Variants in RGS12 observed in about 807,000 individuals in gnomAD.
RGS12 encodes the protein regulator of G-protein signaling 12.
A neutral mutation model predicts 120.1 loss-of-function variants in RGS12; 66 were observed. That is an observed-to-expected ratio of 0.55 (90% CI 0.45 to 0.67). The LOEUF is 0.67. Ranked by LOEUF, RGS12 falls within the 30% of genes least tolerant of loss-of-function variation. RGS12 has a pLI of 0.00. For synonymous variants in RGS12, 827 were observed against 804.7 expected, an observed-to-expected ratio of 1.03 and a Z score of -0.47; for missense variants, 1,859 against 1,957.7, an observed-to-expected ratio of 0.95 and a Z score of 0.95.
Position 3,366,606 on chromosome 4 carries a change from C to G in RGS12, c.1999-19810C>G, listed in dbSNP as rs1265586517. Among the ~76,000 whole-genome samples, 1 of 152,216 alleles carries G rather than the reference C, an allele frequency of 6.6e-6. No homozygotes were observed. Among genetic ancestry groups the G allele is most frequent in the Admixed American group, 6.5e-5 (1 of 15,290 alleles). ...TCCCGGTTCCTGGGTGTTCCGCGCC[C>G]GTCTCCTTTCTGCTGTTGAGAAACC... On this transcript the variant is annotated intron_variant, in intron 3 of 17. Coordinates refer to ENST00000336727, the MANE Select transcript of RGS12 (RefSeq NM_001394154.1). This position sits in a 1 kb window ranked among gnomAD's most constrained non-coding sequence, Gnocchi z 4.0.
intron 1 of RGS12, among the ~76,000 whole-genome samples, chr4:3,311,291 A>G (rs1724387400): frequency 6.6e-6 from 1 of 152,316 alleles, no homozygotes; most frequent in African/African-American, 2.4e-5. Context: ...GCTCAGGCCT[A>G]GGACCCATCT....
chr4:3,394,633 T>C (rs1450830433), intron 4 of RGS12, among the ~76,000 whole-genome samples: 1 of 152,240 alleles, frequency 6.6e-6, no homozygotes, highest in Non-Finnish European at 1.5e-5. Flanking sequence ...TGCATTTTTG[T>C]TGCAATTGTT....
intron 1 of RGS12, among the ~76,000 whole-genome samples, chr4:3,302,614 G>T (rs1000409794): frequency 6.6e-6 from 1 of 152,218 alleles, no homozygotes. Context: ...GCCTGTGTGT[G>T]TGCCCACAGC....
At chr4:3,286,683 C>T in the RGS12 span, among the ~76,000 whole-genome samples, 1,725 of 152,312 alleles carry the variant, frequency 0.011, 38 homozygotes, top group African/African-American at 0.039. Flanking sequence ...GAAAGGCAGC[C>T]TGTGGCAGCC....
chr4:3,390,894 T>C lies in RGS12; in HGVS notation c.2020+4457T>C, dbSNP rs747407239. ...TCTTTAAAATATAAAGTATAATTGT[T>C]GATATTTTTGGCAAATGCCAAAATT... On this transcript the variant is annotated intron_variant, in intron 4 of 17. Coordinates refer to ENST00000336727, the MANE Select transcript of RGS12 (RefSeq NM_001394154.1). The surrounding 1 kb of genome is among the most constrained non-coding windows in gnomAD (Gnocchi z 4.6). 6.6e-6 allele frequency among the ~76,000 whole-genome samples: 1 copy of C among 152,238 alleles called. No individual in the cohort carries two copies. The highest frequency in any genetic ancestry group is 1.5e-5 in the Non-Finnish European group (1 of 68,048).
intron 2 of RGS12, among the ~76,000 whole-genome samples, chr4:3,336,454 A>T (rs1161358490): frequency 6.6e-6 from 1 of 152,210 alleles, no homozygotes; most frequent in Admixed American, 6.5e-5. Context: ...GTAAGTCTCT[A>T]TATTGCCTCT....
intron 3 of RGS12, among the ~76,000 whole-genome samples, chr4:3,349,730 T>G (rs1714179198): frequency 6.6e-6 from 1 of 152,192 alleles, no homozygotes; most frequent in South Asian, 2.1e-4. Flanking sequence ...ATTTTATAAT[T>G]TTTGGAAACA....
At chr4:3,425,009 C>G (rs1723459076) in intron 13 of RGS12, among the ~76,000 whole-genome samples, 1 of 152,220 alleles carries the variant, frequency 6.6e-6, no homozygotes, top group African/African-American at 2.4e-5. Context: ...GATTCTCTGC[C>G]AGAGGAGAGC....
At chr4:3,290,177 G>C (rs1560628935), upstream of RGS12, among the ~76,000 whole-genome samples, 1 of 152,198 alleles carries the variant, frequency 6.6e-6, no homozygotes, top group Non-Finnish European at 1.5e-5. Context: ...TCAGCAATGA[G>C]ATTGCTGGAT....
chr4:3,288,511 G>A (rs184914009), upstream of RGS12, among the ~76,000 whole-genome samples: 186 of 152,278 alleles, frequency 1.2e-3, no homozygotes, highest in Non-Finnish European at 1.1e-3. The surrounding 1 kb of genome is among the most constrained non-coding windows in gnomAD (Gnocchi z 5.2). Context: ...CCTTGAGGTG[G>A]ACCTGGTCAA....
chr4:3,432,582 G>A (rs1028148599), intron 17 of RGS12, among the ~76,000 whole-genome samples: 1 of 152,244 alleles, frequency 6.6e-6, no homozygotes. Flanking sequence ...CCTGCCAAGG[G>A]CCATTAGCAC....
intron 17 of RGS12, among the ~76,000 whole-genome samples, chr4:3,438,204 C>G (rs976088513): frequency 2.0e-5 from 3 of 152,148 alleles, no homozygotes; most frequent in Non-Finnish European, 4.4e-5. Flanking sequence ...ATAGGCGCCT[C>G]AAGGCCTCCA....
Position 3,338,734 on chromosome 4 carries a change from G to A in RGS12, c.1882-4203G>A, listed in dbSNP as rs148984202. ...GGGAGGTGGAGATGGTGCCCTGGGG[G>A]CCACCTGTCTTCTCAGACAGTCGTG... On this transcript the variant is annotated intron_variant, in intron 2 of 17. Transcript: ENST00000336727. Among the ~76,000 whole-genome samples the A allele has an allele frequency of 2.0e-5, 3 of 152,272 alleles. No homozygotes were observed. In the East Asian group the frequency reaches 5.8e-4, roughly 29 times the overall value.
At chr4:3,393,724 A>G (rs1719748380) in intron 4 of RGS12, among the ~76,000 whole-genome samples, 1 of 152,150 alleles carries the variant, frequency 6.6e-6, no homozygotes, top group Non-Finnish European at 1.5e-5. Flanking sequence ...ACTGTCTGGC[A>G]GGAGGGGAAG....
At chr4:3,397,484 A>G (rs536160427) in intron 4 of RGS12, among the ~76,000 whole-genome samples, 25 of 152,326 alleles carry the variant, frequency 1.6e-4, no homozygotes, top group African/African-American at 5.5e-4. Context: ...AAGAGAGAGT[A>G]GTCGTGTGTG....
intron 3 of RGS12, among the ~76,000 whole-genome samples, chr4:3,384,036 A>G (rs1718550046): frequency 6.6e-6 from 1 of 152,196 alleles, no homozygotes; most frequent in African/African-American, 2.4e-5. Context: ...CACCTCCTTC[A>G]TATTTATGAA....
intron 3 of RGS12, among the ~76,000 whole-genome samples, chr4:3,344,874 C>T (rs968012408): frequency 6.6e-6 from 1 of 152,278 alleles, no homozygotes; most frequent in African/African-American, 2.4e-5. Flanking sequence ...CTGTGTGGGC[C>T]CTGCTCGCTG....
chr4:3,425,357 G>A (rs1407628316), intron 13 of RGS12, 107 bp from the exon 14 acceptor site: 107 of 990,332 alleles, frequency 1.1e-4, no homozygotes, highest in South Asian at 1.5e-4. Flanking sequence ...CATCTCCTGC[G>A]TGACTCCATC....
chr4:3,409,447 T>C (rs1172900396), intron 4 of RGS12, among the ~76,000 whole-genome samples: 1 of 152,270 alleles, frequency 6.6e-6, no homozygotes, highest in African/African-American at 2.4e-5. Flanking sequence ...ATGATGTTAG[T>C]CAATACACCA....
Sources: gnomAD v4.1 joint callset for allele counts (sites outside exome capture counted in the v4.1 genomes callset) on GRCh38, gnomAD v4.1.1 for gene constraint, Gnocchi (gnomAD v3.1) non-coding constraint, MANE v1.5 for transcripts, NCBI Gene and HGNC (gene_info 2026-07-23, HGNC 2026-07-21) for gene names.